Variants in GRM8 observed in about 807,000 individuals in gnomAD.
The protein encoded by GRM8 is glutamate metabotropic receptor 8.
GRM8 carries 47 observed loss-of-function variants against 87.2 expected under a neutral mutation model. That is an observed-to-expected ratio of 0.54 (90% confidence interval 0.43 to 0.69). The LOEUF (loss-of-function observed/expected upper bound fraction) is 0.69. GRM8 is among the 30% of genes least tolerant of loss of function. The probability of loss-of-function intolerance (pLI) is 0.00; values close to 1 mark genes in which losing one functional copy is unlikely to be tolerated. For missense variants in GRM8, 1,019 were observed against 1,139.2 expected, an observed-to-expected ratio of 0.89 and a Z score of 1.52; for synonymous variants, 396 against 404.5, an observed-to-expected ratio of 0.98 and a Z score of 0.25.
intron 6 of GRM8, among the ~76,000 whole-genome samples, chr7:126,798,648 T>C (rs1354566922): frequency 6.6e-6 from 1 of 152,146 alleles, no homozygotes; most frequent in African/African-American, 2.4e-5. Context: ...CGGGCCTTTG[T>C]AGAAAATCAA....
At chr7:126,664,143 C>T (rs1467154381) in intron 7 of GRM8, among the ~76,000 whole-genome samples, 3 of 152,054 alleles carry the variant, frequency 2.0e-5, no homozygotes, top group African/African-American at 7.2e-5. Flanking sequence ...AGAGATGACA[C>T]AAACAAAACA....
chr7:126,495,545 A>T (rs1457150812), intron 9 of GRM8, among the ~76,000 whole-genome samples: 2 of 152,098 alleles, frequency 1.3e-5, no homozygotes, highest in East Asian at 3.9e-4. Flanking sequence ...CAGGAACTTA[A>T]ATGTAGAATT....
chr7:126,779,086 GGTT>G (rs1275713536), intron 6 of GRM8, among the ~76,000 whole-genome samples: 1 of 151,566 alleles, frequency 6.6e-6, no homozygotes. Flanking sequence ...AGAAAAGCAT[GGTT>G]TTTTATCTTG....
At chr7:126,745,891 T>C (rs12333645) in intron 7 of GRM8, among the ~76,000 whole-genome samples, 59,059 of 151,510 alleles carry the variant, frequency 0.39, 12,728 homozygotes, top group Non-Finnish European at 0.48. Flanking sequence ...ATTTATGGCA[T>C]CTCTATAATT....
chr7:126,515,917 G>A (rs557903552), intron 9 of GRM8, among the ~76,000 whole-genome samples: 1 of 151,948 alleles, frequency 6.6e-6, no homozygotes, highest in East Asian at 1.9e-4. Context: ...CACATCTTTG[G>A]GAGGCCCTTA....
intron 3 of GRM8, among the ~76,000 whole-genome samples, chr7:126,936,829 C>T (rs1266736000): frequency 1.3e-5 from 2 of 152,132 alleles, no homozygotes; most frequent in Non-Finnish European, 2.9e-5. Context: ...GAAGTACCCA[C>T]CCATCCTGGG....
chr7:126,801,572 TATTA>T (rs1409472120), intron 6 of GRM8, among the ~76,000 whole-genome samples: 1 of 68,294 alleles, frequency 1.5e-5, no homozygotes, highest in Non-Finnish European at 4.9e-5. Flanking sequence ...TTTAATAGCT[TATTA>T]ATTAAATATT....
chr7:126,577,260 T>G (rs1007791726), intron 8 of GRM8, among the ~76,000 whole-genome samples: 1 of 152,214 alleles, frequency 6.6e-6, no homozygotes, highest in Non-Finnish European at 1.5e-5. Flanking sequence ...ATAGCTGACA[T>G]CTTGGGAGAT....
intron 6 of GRM8, among the ~76,000 whole-genome samples, chr7:126,838,183 T>C (rs1251105662): frequency 1.3e-5 from 2 of 152,204 alleles, no homozygotes; most frequent in African/African-American, 2.4e-5. Flanking sequence ...ATTTGATGCA[T>C]TGTGCATTTT....
At chr7:126,695,685 G>C (rs930622817) in intron 7 of GRM8, among the ~76,000 whole-genome samples, 8 of 152,068 alleles carry the variant, frequency 5.3e-5, no homozygotes, top group Non-Finnish European at 1.2e-4. Context: ...GTTTTTATTC[G>C]GCTTGCTAAG....
chr7:126,447,808 A>ACT (rs1802187128), intron 9 of GRM8, among the ~76,000 whole-genome samples: 1 of 151,928 alleles, frequency 6.6e-6, no homozygotes, highest in Non-Finnish European at 1.5e-5. Flanking sequence ...TACCATGCAC[A>ACT]CTGCTGAATT....
intron 3 of GRM8, among the ~76,000 whole-genome samples, chr7:127,082,618 T>C (rs1454965354): frequency 6.6e-6 from 1 of 152,230 alleles, no homozygotes; most frequent in Non-Finnish European, 1.5e-5. Context: ...CTGATCCCTA[T>C]TATGACATAA....
At chr7:126,727,957 T>C (rs1442570741) in intron 7 of GRM8, among the ~76,000 whole-genome samples, 1 of 152,176 alleles carries the variant, frequency 6.6e-6, no homozygotes, top group Non-Finnish European at 1.5e-5. Context: ...ACATTATTGA[T>C]GCTTACATTC....
intron 7 of GRM8, among the ~76,000 whole-genome samples, chr7:126,639,263 T>A (rs979757164): frequency 6.6e-6 from 1 of 152,164 alleles, no homozygotes; most frequent in Non-Finnish European, 1.5e-5. Context: ...ACTGACCACA[T>A]AGTACATATG....
chr7:126,896,765 T>A (rs181409431), intron 6 of GRM8, among the ~76,000 whole-genome samples: 2 of 152,260 alleles, frequency 1.3e-5, no homozygotes, highest in African/African-American at 4.8e-5. Flanking sequence ...TAAATAAGAA[T>A]CAATAGGCCA....
intron 8 of GRM8, among the ~76,000 whole-genome samples, chr7:126,553,461 G>C (rs1358618291): frequency 6.6e-6 from 1 of 151,980 alleles, no homozygotes; most frequent in African/African-American, 2.4e-5. Context: ...TGCCAGCTTT[G>C]TGACCTTGTC....
At chr7:126,596,743 C>T (rs1797239233) in intron 8 of GRM8, among the ~76,000 whole-genome samples, 1 of 152,062 alleles carries the variant, frequency 6.6e-6, no homozygotes, top group Non-Finnish European at 1.5e-5. Context: ...CACTCACACA[C>T]ACAGAGGAAT....
At chr7:126,699,837 T>C (rs572044979) in intron 7 of GRM8, among the ~76,000 whole-genome samples, 8 of 152,272 alleles carry the variant, frequency 5.3e-5, no homozygotes, top group Non-Finnish European at 7.4e-5. Context: ...CCAGTTGCAA[T>C]GCACATTTTT....
chr7:127,180,652 G>A (rs1224788642), intron 2 of GRM8, among the ~76,000 whole-genome samples: 2 of 152,078 alleles, frequency 1.3e-5, no homozygotes, highest in African/African-American at 4.8e-5. Context: ...AACCCACCAT[G>A]ATCAAGTGAG....
Sources: allele counts gnomAD v4.1 joint callset (sites outside exome capture counted in the v4.1 genomes callset), GRCh38; gene constraint gnomAD v4.1.1; transcripts MANE v1.5; gene names NCBI Gene and HGNC (gene_info 2026-07-23, HGNC 2026-07-21).